Variants in HOMER2 observed in about 807,000 individuals in gnomAD.
The protein encoded by HOMER2 is homer protein homolog 2.
Under a neutral mutation model 47.0 loss-of-function variants are expected in HOMER2, and 27 were observed. That is an observed-to-expected ratio of 0.57 (90% CI 0.42 to 0.79). HOMER2 has a LOEUF of 0.79. Ranked by LOEUF, HOMER2 falls within the 30% of genes least tolerant of loss-of-function variation. The pLI, the probability that HOMER2 is intolerant of heterozygous loss-of-function variation, is 0.00. For synonymous variants in HOMER2, 161 were observed against 163.8 expected (o/e 0.98, Z 0.13); for missense variants, 443 against 435.0 (o/e 1.02, Z -0.16).
chr15:82,859,274 C>T, intron 4 of HOMER2, 139 bp from the exon 5 acceptor site: 2 of 1,192,516 alleles, frequency 1.7e-6, no homozygotes, highest in Non-Finnish European at 2.4e-6. Context: ...ACTCATCCAA[C>T]CAGAATGCAG....
downstream of HOMER2, chr15:82,846,777 C>A (rs961436701): frequency 6.6e-5 from 10 of 152,182 alleles, no homozygotes; most frequent in African/African-American, 1.9e-4. Context: ...CTCTTTCCCT[C>A]CAAGGCCTGA....
downstream of HOMER2, among the ~76,000 whole-genome samples, chr15:82,847,408 G>A (rs993979780): frequency 9.9e-5 from 15 of 152,162 alleles, no homozygotes; most frequent in African/African-American, 3.4e-4. Flanking sequence ...CTCCAGGGTT[G>A]CAACAGCTGT....
intron 4 of HOMER2, among the ~76,000 whole-genome samples, chr15:82,863,913 A>G (rs2051875203): frequency 6.6e-6 from 1 of 152,208 alleles, no homozygotes; most frequent in African/African-American, 2.4e-5. Context: ...CACAGTGACC[A>G]CAGAATGTCT....
chr15:82,936,749 T>C (rs531855774), intron 1 of HOMER2, among the ~76,000 whole-genome samples: 1 of 139,318 alleles, frequency 7.2e-6, no homozygotes, highest in African/African-American at 2.6e-5. Context: ...ATTTTTGTAT[T>C]TTTTTTTTTT....
intron 6 of HOMER2, among the ~76,000 whole-genome samples, chr15:82,853,996 G>A (rs1300749196): frequency 3.3e-5 from 5 of 152,148 alleles, no homozygotes; most frequent in Admixed American, 6.5e-5. Flanking sequence ...CTTCCTCCAC[G>A]GAGGGTCACT....
chr15:82,898,959 A>G (rs1215220112), intron 1 of HOMER2, among the ~76,000 whole-genome samples: 1 of 152,220 alleles, frequency 6.6e-6, no homozygotes, highest in Admixed American at 6.5e-5. Context: ...TACCCTAATT[A>G]GTTTGTATCT....
chr15:82,841,889 A>C (rs917901436), exon 2 of HOMER2: 2 of 152,242 alleles, frequency 1.3e-5, no homozygotes, highest in African/African-American at 2.4e-5. Context: ...AAATGCTAAC[A>C]GCAGAAGGGT....
chr15:82,890,530 G>A lies in HOMER2; in HGVS notation c.162+2155C>T, dbSNP rs572981433. On this transcript the variant is annotated intron_variant, in intron 2 of 8. Coordinates refer to ENST00000450735, the MANE Select transcript of HOMER2 (RefSeq NM_004839.4). ...TGGACTAGCGCTGTGCCACAGCCAGGGGCTTAGCCTACCCTCCCACACCCA... is the reference window on the plus strand; with the variant it reads ...TGGACTAGCGCTGTGCCACAGCCAGAGGCTTAGCCTACCCTCCCACACCCA... Among the ~76,000 whole-genome samples the A allele has an allele frequency of 9.1e-4, 139 of 152,196 alleles. 2 individuals are homozygous for A. In the South Asian group the frequency reaches 0.027, roughly 30 times the overall value.
In HOMER2 at chr15:82,875,386, T is replaced by C. The variant is rs201330165; in HGVS notation, c.181A>G (p.Ile61Val). Residue 61 changes from isoleucine (I) to valine (V), a missense_variant, in exon 3 of 9, where the codon ATC (isoleucine) becomes GTC (valine). Ile to Val is a conservative substitution (Grantham distance 29, BLOSUM62 3). Transcript: ENST00000450735. ...TTGGTGAAGGTCATATTCGGTGTGA[T>C]TGTGCTGTTTATGATCACCTGCAGA... The part of the protein sequence containing the change: ...DGAKVIINST[I>V]TPNMTFTKTS... 3.2e-4 allele frequency: 513 copies of C among 1,613,904 alleles called. No individual in the cohort carries two copies. The highest frequency in any genetic ancestry group is 3.6e-4 in the Non-Finnish European group (428 of 1,179,888).
intron 8 of HOMER2, among the ~76,000 whole-genome samples, chr15:82,850,794 G>C (rs1162893228): frequency 6.6e-6 from 1 of 152,196 alleles, no homozygotes. Context: ...CAGTGCCCAA[G>C]GCCACTGGCA....
chr15:82,857,250 G>A (rs1218199327), intron 5 of HOMER2, among the ~76,000 whole-genome samples: 1 of 151,924 alleles, frequency 6.6e-6, no homozygotes, highest in Non-Finnish European at 1.5e-5. Context: ...AGAAGACTGT[G>A]GTCTATGAAC....
At chr15:82,847,633 T>A (rs1397047211), downstream of HOMER2, among the ~76,000 whole-genome samples, 1 of 152,234 alleles carries the variant, frequency 6.6e-6, no homozygotes. Context: ...CAGTAACTAT[T>A]CTATGCATGT....
rs1005204238 is a variant in HOMER2 at position 82,917,464 on chromosome 15, G to A, written c.6-24623C>T. On this transcript the variant is annotated intron_variant, in intron 1 of 8. Coordinates refer to ENST00000450735, the MANE Select transcript of HOMER2 (RefSeq NM_004839.4). ...GTCCCTCCTCTCCCAGGGCCCCAGG[G>A]GGAACTGCTGGAACAGCCCTTTCCT... 5.3e-5 allele frequency among the ~76,000 whole-genome samples: 8 copies of A among 152,318 alleles called. No individual in the cohort carries two copies. In the South Asian group the frequency reaches 6.2e-4, roughly 12 times the overall value.
chr15:82,854,782 C>G lies in HOMER2; in HGVS notation c.513G>C (p.Lys171Asn), dbSNP rs757508788. 1.9e-6 allele frequency: 3 copies of G among 1,610,238 alleles called. No individual in the cohort carries two copies. In the South Asian group the frequency reaches 3.3e-5, roughly 18 times the overall value. ...ALTQSAANVK[K>N]WEIELQTLRE... is the part of the protein sequence containing the mutation. ...GAAGGGTCTGCAGCTCGATCTCCCACTTCTTCACGTTGGCTGCGCTGCAGG... is the reference window on the plus strand; with the variant it reads ...GAAGGGTCTGCAGCTCGATCTCCCAGTTCTTCACGTTGGCTGCGCTGCAGG... Residue 171 changes from lysine to asparagine, a missense_variant, in exon 6 of 9, where the codon AAG becomes AAC. Transcript: ENST00000450735.
exon 2 of HOMER2, chr15:82,958,497 C>A (rs1194976614): frequency 2.6e-5 from 4 of 152,274 alleles, no homozygotes; most frequent in Non-Finnish European, 4.4e-5. Flanking sequence ...GGACTTGATT[C>A]TGAGGCCTCA....
chr15:82,961,107 T>C (rs986896272), intron 1 of HOMER2, among the ~76,000 whole-genome samples: 13 of 152,218 alleles, frequency 8.5e-5, no homozygotes, highest in African/African-American at 3.1e-4. Flanking sequence ...CTCCAACTGC[T>C]TGCCCCGCAG....
At chr15:82,896,498 T>C (rs1467029844) in intron 1 of HOMER2, among the ~76,000 whole-genome samples, 1 of 152,162 alleles carries the variant, frequency 6.6e-6, no homozygotes, top group East Asian at 1.9e-4. Context: ...TGCAACGATG[T>C]TGGAAGAACA....
chr15:82,980,796 C>G (rs2030366090), intron 1 of HOMER2, among the ~76,000 whole-genome samples: 1 of 152,176 alleles, frequency 6.6e-6, no homozygotes, highest in Non-Finnish European at 1.5e-5. Context: ...GGCCCTGGGA[C>G]AACTTTTCCC....
intron 2 of HOMER2, among the ~76,000 whole-genome samples, chr15:82,875,925 CAAAG>C (rs1003582902): frequency 1.3e-5 from 2 of 152,244 alleles, no homozygotes. Context: ...GGTTAATTGA[CAAAG>C]AAACTAATTA....
Sources: allele counts gnomAD v4.1 joint callset (sites outside exome capture counted in the v4.1 genomes callset), GRCh38; gene constraint gnomAD v4.1.1; transcripts MANE v1.5; gene names NCBI Gene and HGNC (gene_info 2026-07-23, HGNC 2026-07-21).